The following COL4A6 variants were observed in gnomAD, a reference collection of about 807,000 sequenced individuals.
COL4A6 encodes the protein collagen alpha-6(IV) chain.
Under a neutral mutation model 126.7 loss-of-function variants are expected in COL4A6, and 59 were observed. That is an observed-to-expected ratio of 0.47 (90% CI 0.38 to 0.58). The LOEUF (loss-of-function observed/expected upper bound fraction) is 0.58, where lower values mean the gene tolerates loss of function less well. Ranked by LOEUF, COL4A6 falls within the 20% of genes least tolerant of loss-of-function variation. COL4A6 has a pLI of 0.00. For synonymous variants in COL4A6, 547 were observed against 496.6 expected (o/e 1.10, Z -1.35); for missense variants, 1,285 against 1,337.3 (o/e 0.96, Z 0.61).
chrX:108,249,909 G>A (rs1395154121), intron 3 of COL4A6, among the ~76,000 whole-genome samples: 1 of 111,729 alleles, frequency 9.0e-6, no homozygotes, highest in East Asian at 2.8e-4. Flanking sequence ...TGATTAAAAT[G>A]TCTTCCATTG....
intron 43 of COL4A6, 100 bp from the exon 44 acceptor site, chrX:108,159,848 A>G: frequency 1.1e-6 from 1 of 909,429 alleles, no homozygotes. Flanking sequence ...CACCAGACTG[A>G]GGCAGCCCTC....
chrX:108,231,113 ATAC>A, intron 3 of COL4A6, among the ~76,000 whole-genome samples: 1 of 111,236 alleles, frequency 9.0e-6, no homozygotes, highest in Non-Finnish European at 1.9e-5. Flanking sequence ...ACATACATAC[ATAC>A]ATACATAGTG....
At chrX:108,214,557 C>T (rs1261057043) in intron 5 of COL4A6, among the ~76,000 whole-genome samples, 1 of 112,174 alleles carries the variant, frequency 8.9e-6, no homozygotes, top group East Asian at 2.8e-4. Context: ...GCTTAGCTGT[C>T]TGGCAGCTGA....
chrX:108,194,535 T>C lies in COL4A6; in HGVS notation c.1001A>G (p.Glu334Gly). ...GGATTTTTCACTTCCCAACATTACC[T>C]CAATTCCTTGGAATCCATTAAGCCC... is the stretch of plus-strand genomic sequence containing the variant. The part of the protein sequence containing the change: ...FPGLNGFQGI[E>G]GQKGDIGLPG... Residue 334 changes from glutamate to glycine, a missense_variant and splice_region_variant, in exon 16 of 45, where the codon GAG (glutamate) becomes GGG (glycine). By Grantham distance (98) the Glu-to-Gly change is moderately conservative. Coordinates refer to ENST00000334504, the MANE Select transcript of COL4A6 (RefSeq NM_033641.4). 8.3e-7 allele frequency: 1 copy of C among 1,208,401 alleles called. No individual in the cohort carries two copies. Among genetic ancestry groups the C allele is most frequent in the Non-Finnish European group, 1.1e-6 (1 of 894,147 alleles).
chrX:108,388,334 T>A (rs1435741525), intron 2 of COL4A6, among the ~76,000 whole-genome samples: 1 of 112,035 alleles, frequency 8.9e-6, no homozygotes, highest in African/African-American at 3.2e-5. Flanking sequence ...CGGCTGTGAA[T>A]CCGTCTGGTC....
chrX:108,402,340 G>C (rs2041106061), intron 2 of COL4A6, among the ~76,000 whole-genome samples: 1 of 111,321 alleles, frequency 9.0e-6, no homozygotes, highest in East Asian at 2.8e-4. Context: ...TCAATATCCA[G>C]AGCATATATA....
At chrX:108,437,337 T>C (rs1447391480) in intron 2 of COL4A6, among the ~76,000 whole-genome samples, 1 of 110,028 alleles carries the variant, frequency 9.1e-6, no homozygotes, top group Non-Finnish European at 1.9e-5. Context: ...TTAACTTTGA[T>C]TTTTTTTTCT....
Position 108,174,544 on chromosome X carries a change from C to T in COL4A6, c.3034G>A (p.Val1012Ile). The T allele has an allele frequency of 5.8e-6, 7 of 1,209,653 alleles. No individual in the cohort carries two copies. Among genetic ancestry groups the T allele is most frequent in the Non-Finnish European group, 7.8e-6 (7 of 894,614 alleles). Residue 1012 changes from valine (V) to isoleucine (I), a missense_variant, in exon 31 of 45, where the codon GTT (valine) becomes ATT (isoleucine). Transcript: ENST00000334504. The stretch of plus-strand genomic sequence containing the variant: ...CCAGGGGGCCCTGGCTTTCCACTAA[C>T]TCCTTTGATAATGCCTGGGAGGCCA... ...APGLPGIIKG[V>I]SGKPGPPGFM...
At chrX:108,242,022 T>C (rs2148323163) in intron 3 of COL4A6, among the ~76,000 whole-genome samples, 1 of 102,924 alleles carries the variant, frequency 9.7e-6, no homozygotes, top group Non-Finnish European at 2.0e-5. Context: ...TTAAGAGACA[T>C]GCCAGTACAT....
chrX:108,268,966 C>T, intron 3 of COL4A6: 1 of 279,223 alleles, frequency 3.6e-6, no homozygotes, highest in South Asian at 3.5e-5. Context: ...TATCTTCTGC[C>T]TCCAGAAATC....
chrX:108,184,235 G>A (rs1379208445), intron 23 of COL4A6, among the ~76,000 whole-genome samples: 1 of 112,309 alleles, frequency 8.9e-6, no homozygotes, highest in Non-Finnish European at 1.9e-5. Context: ...AGAAAGGTAG[G>A]TTTGAAAAAT....
intron 23 of COL4A6, among the ~76,000 whole-genome samples, chrX:108,183,169 A>C (rs1449242510): frequency 8.9e-6 from 1 of 112,339 alleles, no homozygotes; most frequent in Non-Finnish European, 1.9e-5. Context: ...ACATTCCTGA[A>C]TTCAGAGCCT....
At chrX:108,194,947 G>T in intron 15 of COL4A6, 135 bp downstream of exon 15, 1 of 535,896 alleles carries the variant, frequency 1.9e-6, no homozygotes, top group Non-Finnish European at 3.1e-6. Context: ...CAGTGGCTAA[G>T]ATTATACCAA....
chrX:108,198,479 G>A (rs1196347812), intron 13 of COL4A6, among the ~76,000 whole-genome samples: 4 of 111,184 alleles, frequency 3.6e-5, no homozygotes, highest in Non-Finnish European at 1.9e-5. Context: ...AAATTTGTGT[G>A]GGGGTTAGAG....
At chrX:108,220,985 C>A in intron 4 of COL4A6, 1 of 369,819 alleles carries the variant, frequency 2.7e-6, no homozygotes. Flanking sequence ...GTAATCCCAG[C>A]TACTTGGAAG....
intron 2 of COL4A6, among the ~76,000 whole-genome samples, chrX:108,311,966 T>A (rs2038772830): frequency 8.9e-6 from 1 of 112,082 alleles, no homozygotes; most frequent in Non-Finnish European, 1.9e-5. Flanking sequence ...TAGTGTTTTC[T>A]AAGTCCTTTG....
chrX:108,190,092 C>T (rs1012753978), intron 20 of COL4A6, among the ~76,000 whole-genome samples: 1 of 112,005 alleles, frequency 8.9e-6, no homozygotes, highest in Admixed American at 9.4e-5. Context: ...TAATAAGTGG[C>T]TTACATCCTT....
At chrX:108,308,806 C>T (rs1477753694) in intron 3 of COL4A6, among the ~76,000 whole-genome samples, 3 of 111,764 alleles carry the variant, frequency 2.7e-5, no homozygotes, top group African/African-American at 9.8e-5. Flanking sequence ...TAATTATGAT[C>T]CTTAGTATCT....
chrX:108,383,171 C>A (rs776214804), intron 2 of COL4A6, among the ~76,000 whole-genome samples: 1 of 110,011 alleles, frequency 9.1e-6, no homozygotes, highest in African/African-American at 3.3e-5. Context: ...GAATAAAAAG[C>A]AAGACCCATC....
Sources: gnomAD v4.1 joint callset for allele counts (sites outside exome capture counted in the v4.1 genomes callset) on GRCh38, gnomAD v4.1.1 for gene constraint, MANE v1.5 for transcripts, NCBI Gene and HGNC (gene_info 2026-07-23, HGNC 2026-07-21) for gene names.